The following CCDC3 variants were observed in gnomAD, a reference collection of about 807,000 sequenced individuals.
The protein encoded by CCDC3 is coiled-coil domain-containing protein 3.
CCDC3 carries 24 observed loss-of-function variants against 21.4 expected under a neutral mutation model. The ratio of observed to expected loss-of-function variants is 1.12; its 90% CI spans 0.81 to 1.58. The LOEUF is 1.58. Among genes scored for constraint, CCDC3 ranks in the 40% most tolerant of loss-of-function variants. The pLI is 0.00. For missense variants in CCDC3, 425 were observed against 360.9 expected, an observed-to-expected ratio of 1.18 and a Z score of -1.44; for synonymous variants, 186 against 166.0, an observed-to-expected ratio of 1.12 and a Z score of -0.93.
At chr10:13,006,753 C>T (rs1835928581) in intron 5 of CCDC3, among the ~76,000 whole-genome samples, 2 of 152,088 alleles carry the variant, frequency 1.3e-5, no homozygotes, top group African/African-American at 4.8e-5. Context: ...TCAAGGGCAC[C>T]TGGCTTACCT....
intron 5 of CCDC3, among the ~76,000 whole-genome samples, chr10:13,031,853 C>A (rs1007217587): frequency 1.3e-5 from 2 of 152,080 alleles, no homozygotes; most frequent in Non-Finnish European, 2.9e-5. Flanking sequence ...TAATTAATAG[C>A]CTACCAATGA....
chr10:13,062,216 G>T (rs973150808), intron 4 of CCDC3, among the ~76,000 whole-genome samples: 1 of 151,998 alleles, frequency 6.6e-6, no homozygotes, highest in African/African-American at 2.4e-5. Flanking sequence ...TCAGAGCTTA[G>T]TCCTCAGTCT....
At chr10:12,974,963 C>T (rs904555164) in intron 2 of CCDC3, among the ~76,000 whole-genome samples, 3 of 152,154 alleles carry the variant, frequency 2.0e-5, no homozygotes, top group Non-Finnish European at 4.4e-5. Context: ...CTAACCCCTG[C>T]GAGGTAGGAA....
At chr10:12,941,167 A>G (rs970746875) in intron 2 of CCDC3, among the ~76,000 whole-genome samples, 4 of 152,346 alleles carry the variant, frequency 2.6e-5, no homozygotes, top group South Asian at 2.1e-4. Flanking sequence ...CAACGTGGTG[A>G]CGAGAGTGTC....
chr10:12,936,583 A>G (rs1474271452), intron 2 of CCDC3, among the ~76,000 whole-genome samples: 2 of 152,172 alleles, frequency 1.3e-5, no homozygotes, highest in Non-Finnish European at 2.9e-5. Context: ...GCCTAGGTAT[A>G]GGTTTTTGGC....
intron 5 of CCDC3, among the ~76,000 whole-genome samples, chr10:13,009,881 A>G (rs1835964575): frequency 6.6e-6 from 1 of 152,238 alleles, no homozygotes; most frequent in South Asian, 2.1e-4. Context: ...CAAGCCATAG[A>G]CTGGATGAAA....
chr10:13,045,134 CATTAT>C (rs1324998086), intron 5 of CCDC3, among the ~76,000 whole-genome samples: 3 of 152,136 alleles, frequency 2.0e-5, no homozygotes, highest in African/African-American at 4.8e-5. Flanking sequence ...ACTTTCCCTA[CATTAT>C]ATTATGTTAA....
intron 5 of CCDC3, among the ~76,000 whole-genome samples, chr10:13,042,197 C>T (rs914245374): frequency 6.6e-6 from 1 of 152,228 alleles, no homozygotes; most frequent in African/African-American, 2.4e-5. Context: ...CCAATTTCTT[C>T]ACCTATCACA....
intron 5 of CCDC3, among the ~76,000 whole-genome samples, chr10:13,014,757 T>C (rs1186092189): frequency 6.6e-6 from 1 of 152,110 alleles, no homozygotes; most frequent in African/African-American, 2.4e-5. Context: ...AAAATAAAAG[T>C]GAGAAGAAAA....
intron 5 of CCDC3, among the ~76,000 whole-genome samples, chr10:13,014,463 AAAAAAAAG>A (rs1324451316): frequency 1.6e-4 from 8 of 49,378 alleles, no homozygotes; most frequent in Non-Finnish European, 5.1e-4. Flanking sequence ...AAAAAGAAAA[AAAAAAAAG>A]AAAAAAAAAA....
chr10:13,089,017 A>T (rs892103712), intron 3 of CCDC3, among the ~76,000 whole-genome samples: 2 of 151,740 alleles, frequency 1.3e-5, no homozygotes, highest in African/African-American at 2.4e-5. Flanking sequence ...CAAAAAAAAA[A>T]AAAAATAAAA....
chr10:13,042,906 CAAAAA>C (rs55911312), intron 5 of CCDC3, among the ~76,000 whole-genome samples: 25,759 of 100,366 alleles, frequency 0.26, 2,747 homozygotes, highest in Admixed American at 0.35. Flanking sequence ...GAGACTGTCT[CAAAAA>C]AAAAAAAAAA....
chr10:13,050,170 C>G (rs905712261), intron 4 of CCDC3, among the ~76,000 whole-genome samples: 7 of 152,136 alleles, frequency 4.6e-5, no homozygotes. Context: ...ACACAGCATT[C>G]TTTGCTGTGG....
chr10:12,940,229 GTTTTTTTTTT>G (rs34664068), intron 2 of CCDC3, among the ~76,000 whole-genome samples: 1 of 105,218 alleles, frequency 9.5e-6, no homozygotes, highest in Non-Finnish European at 2.0e-5. Context: ...CATTGAAATT[GTTTTTTTTTT>G]TTTTTTTTTT....
intron 2 of CCDC3, among the ~76,000 whole-genome samples, chr10:12,903,675 T>C (rs1163584642): frequency 6.6e-6 from 1 of 152,178 alleles, no homozygotes; most frequent in East Asian, 1.9e-4. Flanking sequence ...TGCCCAGAGC[T>C]TTTCTCTGGA....
chr10:12,912,635 C>G (rs946056676), intron 2 of CCDC3, among the ~76,000 whole-genome samples: 2 of 152,126 alleles, frequency 1.3e-5, no homozygotes, highest in African/African-American at 4.8e-5. Context: ...CCATTTGCAT[C>G]TTTTCCCTTT....
intron 2 of CCDC3, among the ~76,000 whole-genome samples, chr10:12,963,309 C>T (rs1835207802): frequency 1.3e-5 from 2 of 152,204 alleles, no homozygotes; most frequent in African/African-American, 4.8e-5. Context: ...ATCCATCTCT[C>T]TTCCTCTATC....
intron 5 of CCDC3, among the ~76,000 whole-genome samples, chr10:13,037,785 C>T (rs1836396559): frequency 6.6e-6 from 1 of 152,198 alleles, no homozygotes; most frequent in Non-Finnish European, 1.5e-5. Flanking sequence ...GCCTGGACAA[C>T]ATAGTGAGAT....
chr10:12,938,963 A>T (rs911777067), intron 2 of CCDC3, among the ~76,000 whole-genome samples: 1 of 152,144 alleles, frequency 6.6e-6, no homozygotes, highest in South Asian at 2.1e-4. Context: ...CACACAATAA[A>T]TATGCCAACC....
Sources: gnomAD v4.1 joint callset for allele counts (sites outside exome capture counted in the v4.1 genomes callset) on GRCh38, gnomAD v4.1.1 for gene constraint, MANE v1.5 for transcripts, NCBI Gene and HGNC (gene_info 2026-07-23, HGNC 2026-07-21) for gene names.